The following SLC30A8 variants were observed in gnomAD, a reference collection of about 807,000 sequenced individuals.
The protein encoded by SLC30A8 is proton-coupled zinc antiporter SLC30A8.
Under a neutral mutation model 36.9 loss-of-function variants are expected in SLC30A8, and 27 were observed. The observed-to-expected ratio is 0.73, with a 90% CI of 0.54 to 1.01. The LOEUF (loss-of-function observed/expected upper bound fraction) is 1.01, where lower values mean the gene tolerates loss of function less well. Among genes scored for constraint, SLC30A8 ranks in the 50% least tolerant of loss-of-function variants. The pLI is 0.00. For missense variants in SLC30A8, 439 were observed against 452.0 expected, an observed-to-expected ratio of 0.97 and a Z score of 0.26; for synonymous variants, 164 against 172.4, an observed-to-expected ratio of 0.95 and a Z score of 0.38.
intron 2 of SLC30A8, chr8:117,055,830 A>G (rs1009311339): frequency 3.3e-5 from 5 of 152,212 alleles, no homozygotes; most frequent in African/African-American, 1.2e-4. Context: ...TAGCTCCATC[A>G]TTCTTAGCTG....
At chr8:116,972,516 G>A (rs140814571) in intron 1 of SLC30A8, among the ~76,000 whole-genome samples, 76 of 152,320 alleles carry the variant, frequency 5.0e-4, no homozygotes, top group African/African-American at 1.7e-3. Context: ...TTCCGATGTA[G>A]GTTTTTCACC....
chr8:117,152,207 T>C (rs1822223730), intron 2 of SLC30A8, among the ~76,000 whole-genome samples: 1 of 152,158 alleles, frequency 6.6e-6, no homozygotes, highest in Admixed American at 6.5e-5. Context: ...AAACCATGTC[T>C]GGGAAGGAAA....
At chr8:117,005,182 C>A (rs998528719) in intron 1 of SLC30A8, among the ~76,000 whole-genome samples, 2 of 152,206 alleles carry the variant, frequency 1.3e-5, no homozygotes, top group African/African-American at 2.4e-5. Context: ...CCCGTTCCCT[C>A]TCCCTCTGAC....
intron 1 of SLC30A8, among the ~76,000 whole-genome samples, chr8:117,022,729 A>C (rs933572894): frequency 2.6e-5 from 4 of 152,250 alleles, no homozygotes; most frequent in African/African-American, 9.6e-5. Context: ...AATTAATTCA[A>C]GATGGATCAA....
At chr8:117,039,225 A>C (rs1187072091) in exon 2 of SLC30A8, 2 of 152,238 alleles carry the variant, frequency 1.3e-5, no homozygotes, top group African/African-American at 4.8e-5. Context: ...ACAGGAGAGA[A>C]GACGTGTTTT....
At chr8:117,040,386 A>G (rs886278513) in intron 2 of SLC30A8, among the ~76,000 whole-genome samples, 5 of 152,230 alleles carry the variant, frequency 3.3e-5, no homozygotes, top group African/African-American at 1.2e-4. Flanking sequence ...TGCTCTGTCT[A>G]ATCCTTGTGC....
At chr8:116,959,240 A>G (rs908598081) in intron 1 of SLC30A8, among the ~76,000 whole-genome samples, 3 of 152,128 alleles carry the variant, frequency 2.0e-5, no homozygotes, top group African/African-American at 7.2e-5. Context: ...ATTTTTCTGC[A>G]GTATCTAATC....
At chr8:117,071,068 G>A (rs1818316257) in intron 2 of SLC30A8, among the ~76,000 whole-genome samples, 1 of 152,138 alleles carries the variant, frequency 6.6e-6, no homozygotes, top group South Asian at 2.1e-4. Flanking sequence ...ATTCTAAAAT[G>A]GAGTTACTGG....
intron 1 of SLC30A8, among the ~76,000 whole-genome samples, chr8:116,964,959 G>A (rs375259372): frequency 2.0e-4 from 31 of 152,216 alleles, no homozygotes; most frequent in Admixed American, 2.6e-4. Context: ...TTTTTGAGAC[G>A]GAATTTCACT....
chr8:117,162,555 T>G (rs558645686), intron 5 of SLC30A8, among the ~76,000 whole-genome samples: 2 of 152,232 alleles, frequency 1.3e-5, no homozygotes, highest in African/African-American at 4.8e-5. Flanking sequence ...CAGAGATGGG[T>G]TAGCAGGCAG....
chr8:117,027,486 T>C (rs949251281), intron 1 of SLC30A8, among the ~76,000 whole-genome samples: 8 of 152,228 alleles, frequency 5.3e-5, no homozygotes, highest in African/African-American at 9.6e-5. Context: ...TTTTGTTGTT[T>C]ATTTACTTGT....
chr8:117,012,721 GTA>G (rs971300467), intron 1 of SLC30A8, among the ~76,000 whole-genome samples: 4 of 46,928 alleles, frequency 8.5e-5, no homozygotes, highest in African/African-American at 3.1e-4. Flanking sequence ...ATAGACATAT[GTA>G]TACACACACA....
intron 2 of SLC30A8, among the ~76,000 whole-genome samples, chr8:117,152,487 G>T (rs1199126553): frequency 6.6e-6 from 1 of 152,114 alleles, no homozygotes; most frequent in African/African-American, 2.4e-5. Flanking sequence ...AAAGGAAAGG[G>T]TAAAGATGCT....
At chr8:116,981,581 A>G (rs1815263938) in intron 1 of SLC30A8, among the ~76,000 whole-genome samples, 1 of 152,074 alleles carries the variant, frequency 6.6e-6, no homozygotes, top group Non-Finnish European at 1.5e-5. Flanking sequence ...CACTACCCTC[A>G]AGCAGGTCCT....
intron 1 of SLC30A8, among the ~76,000 whole-genome samples, chr8:117,031,586 G>T (rs528848766): frequency 3.7e-4 from 56 of 151,626 alleles, no homozygotes; most frequent in Admixed American, 1.4e-3. Context: ...TCAGCCTCCC[G>T]AGTAGCTGGG....
intron 1 of SLC30A8, among the ~76,000 whole-genome samples, chr8:117,006,138 A>G (rs1266181302): frequency 1.3e-5 from 2 of 152,244 alleles, no homozygotes; most frequent in South Asian, 2.1e-4. Flanking sequence ...TACCTTATAT[A>G]TTCCTCTCAG....
At chr8:117,113,949 G>C (rs1054833036) in intron 2 of SLC30A8, among the ~76,000 whole-genome samples, 10 of 152,066 alleles carry the variant, frequency 6.6e-5, no homozygotes, top group Admixed American at 5.9e-4. Context: ...TGTGAAACGA[G>C]GACAACAGAT....
chr8:117,088,827 T>A (rs1056338142), intron 2 of SLC30A8, among the ~76,000 whole-genome samples: 2 of 152,224 alleles, frequency 1.3e-5, no homozygotes, highest in Non-Finnish European at 2.9e-5. Flanking sequence ...TTTGGCTGAC[T>A]GTATTAGATG....
intron 1 of SLC30A8, among the ~76,000 whole-genome samples, chr8:117,033,021 G>A (rs879187123): frequency 1.3e-5 from 2 of 152,190 alleles, no homozygotes; most frequent in Non-Finnish European, 2.9e-5. Flanking sequence ...TGGCAGCCAC[G>A]TGAAGGAAGG....
Sources: gnomAD v4.1 joint callset for allele counts (sites outside exome capture counted in the v4.1 genomes callset) on GRCh38, gnomAD v4.1.1 for gene constraint, MANE v1.5 for transcripts, NCBI Gene and HGNC (gene_info 2026-07-23, HGNC 2026-07-21) for gene names.